Variants in CLVS2 observed in about 807,000 individuals in gnomAD.
CLVS2 encodes the protein clavesin-2.
A neutral mutation model predicts 29.0 loss-of-function variants in CLVS2; 19 were observed. The ratio of observed to expected loss-of-function variants is 0.66; its 90% CI spans 0.46 to 0.96. The LOEUF is 0.96. CLVS2 is among the 40% of genes least tolerant of loss of function. The probability of loss-of-function intolerance (pLI) is 0.00; values close to 1 mark genes in which losing one functional copy is unlikely to be tolerated. For synonymous variants in CLVS2, 161 were observed against 151.3 expected (o/e 1.06, Z -0.47); for missense variants, 294 against 404.1 (o/e 0.73, Z 2.34).
At chr6:123,002,236 T>A (rs1028098842) in intron 2 of CLVS2, among the ~76,000 whole-genome samples, 7 of 152,146 alleles carry the variant, frequency 4.6e-5, no homozygotes, top group African/African-American at 1.7e-4. Flanking sequence ...CTTATCATAG[T>A]GGACATTGAT....
chr6:123,040,046 A>G (rs991683744), intron 3 of CLVS2, among the ~76,000 whole-genome samples: 8 of 152,182 alleles, frequency 5.3e-5, no homozygotes, highest in Non-Finnish European at 1.0e-4. Flanking sequence ...CAAATACATT[A>G]ACATCGTATC....
chr6:123,046,864 G>A (rs1772522065), intron 3 of CLVS2, among the ~76,000 whole-genome samples: 1 of 152,120 alleles, frequency 6.6e-6, no homozygotes, highest in Admixed American at 6.5e-5. Flanking sequence ...TCTCAAGAAT[G>A]TGAGACAAAT....
chr6:123,032,493 G>C (rs893132489), intron 3 of CLVS2, among the ~76,000 whole-genome samples: 1 of 151,942 alleles, frequency 6.6e-6, no homozygotes, highest in Non-Finnish European at 1.5e-5. Flanking sequence ...AGCAGGCATT[G>C]GTGTCTTACA....
rs1008177513 is a variant in CLVS2, at chr6:123,064,875, C to T, written c.*1114C>T. The T allele has an allele frequency of 2.0e-5, 3 of 151,560 alleles. No individual in the cohort carries two copies. Among genetic ancestry groups the T allele is most frequent in the Non-Finnish European group, 4.4e-5 (3 of 67,740 alleles). The allele number at this position is 151,560 out of a possible 1,614,324, so 9.4% of individuals were successfully genotyped here. ...TCAGTGTACCTATTTAAAGGAATTC[C>T]AAGTTAATTTATAATGCAATCTTAC... On this transcript the variant is annotated 3_prime_UTR_variant, in exon 6 of 6. Coordinates refer to ENST00000275162, the MANE Select transcript of CLVS2 (RefSeq NM_001010852.4).
chr6:122,998,051 A>G lies in CLVS2; in HGVS notation c.274A>G (p.Thr92Ala), dbSNP rs1040582884. ...GGACATGTTCAAAAGCTTTAAGGCC[A>G]CCGACCCTGGCATCAAGCAGGCACT... is the stretch of plus-strand genomic sequence containing the variant. ...NLDMFKSFKA[T>A]DPGIKQALKD... Residue 92 changes from threonine to alanine, a missense_variant, in exon 2 of 6, where the codon ACC becomes GCC. By Grantham distance (58) the Thr-to-Ala change is moderately conservative. Coordinates refer to ENST00000275162, the MANE Select transcript of CLVS2 (RefSeq NM_001010852.4). 12 of 1,614,068 alleles carry G rather than the reference A, an allele frequency of 7.4e-6. No individual in the cohort carries two copies. The highest frequency in any genetic ancestry group is 9.3e-6 in the Non-Finnish European group (11 of 1,180,048).
At chr6:123,044,016 A>C (rs897316773) in intron 3 of CLVS2, among the ~76,000 whole-genome samples, 1 of 152,224 alleles carries the variant, frequency 6.6e-6, no homozygotes, top group Non-Finnish European at 1.5e-5. Context: ...AATGACATCC[A>C]ACTTTCCATT....
chr6:123,068,018 T>A lies in CLVS2; in HGVS notation c.*4257T>A, dbSNP rs1466612788. 6.6e-6 allele frequency: 1 copy of A among 151,708 alleles called. No individual in the cohort carries two copies. The highest frequency in any genetic ancestry group is 1.9e-4 in the East Asian group (1 of 5,192). 9.4% of individuals were successfully genotyped at this position (151,708 alleles called of 1,614,324 possible). A position where few individuals can be genotyped will look rare whatever the true frequency, so the allele number is the denominator to read the frequency against. ...TCTCAATGGCTTAGAGAATATAATC[T>A]TTTTTAAGAATTAAAGATTTTATTT... On this transcript the variant is annotated 3_prime_UTR_variant, in exon 6 of 6. Coordinates refer to ENST00000275162, the MANE Select transcript of CLVS2 (RefSeq NM_001010852.4).
chr6:123,040,648 CT>C (rs1216655064), intron 3 of CLVS2, among the ~76,000 whole-genome samples: 2 of 152,202 alleles, frequency 1.3e-5, no homozygotes, highest in African/African-American at 2.4e-5. Context: ...CAAAAATTAG[CT>C]GGGCGTAGTG....
Position 123,011,165 on chromosome 6 carries a change from A to C in CLVS2, c.564+6A>C. ...TAGCTATTGAAGGCCTGCAGGTAGG[A>C]TATGGAAATTACCTACTTCCTTGGT... On this transcript the variant is annotated splice_donor_region_variant and intron_variant, in intron 3 of 5. Transcript: ENST00000275162. The C allele has an allele frequency of 6.5e-7, 1 of 1,544,200 alleles. No homozygotes were observed.
intron 3 of CLVS2, among the ~76,000 whole-genome samples, chr6:123,032,238 C>A (rs1287700724): frequency 6.6e-6 from 1 of 151,936 alleles, no homozygotes; most frequent in Non-Finnish European, 1.5e-5. Context: ...TTTGAAAATA[C>A]TTTGAAATAA....
At chr6:123,042,428 A>G (rs1429100794) in intron 3 of CLVS2, among the ~76,000 whole-genome samples, 1 of 152,048 alleles carries the variant, frequency 6.6e-6, no homozygotes, top group African/African-American at 2.4e-5. Flanking sequence ...AAGTTCCTTT[A>G]TTGTGTGTGT....
At chr6:123,050,871 C>A (rs1582662777) in intron 4 of CLVS2, among the ~76,000 whole-genome samples, 1 of 152,214 alleles carries the variant, frequency 6.6e-6, no homozygotes, top group Non-Finnish European at 1.5e-5. Flanking sequence ...ACAAGGAGTG[C>A]ACTGCGTTTT....
intron 3 of CLVS2, among the ~76,000 whole-genome samples, chr6:123,047,491 C>A (rs1455145419): frequency 6.6e-6 from 1 of 152,110 alleles, no homozygotes; most frequent in African/African-American, 2.4e-5. Flanking sequence ...TTTGGCAGCT[C>A]TGCAAATCAA....
At chr6:122,996,994 A>T (rs973534170) in intron 1 of CLVS2, among the ~76,000 whole-genome samples, 16 of 151,460 alleles carry the variant, frequency 1.1e-4, no homozygotes, top group Non-Finnish European at 7.4e-5. Context: ...CGCTGGTACC[A>T]ACGCCACCAG....
chr6:123,031,350 A>G (rs1227512703), intron 3 of CLVS2, among the ~76,000 whole-genome samples: 1 of 152,106 alleles, frequency 6.6e-6, no homozygotes, highest in Admixed American at 6.6e-5. Flanking sequence ...CAGCTCACAC[A>G]TCTGTTAAAG....
chr6:123,035,069 A>G (rs1466746701), intron 3 of CLVS2, among the ~76,000 whole-genome samples: 1 of 152,266 alleles, frequency 6.6e-6, no homozygotes, highest in African/African-American at 2.4e-5. Flanking sequence ...GAAGAACACC[A>G]TGGCATTATC....
At chr6:123,027,840 C>G (rs1408896105) in intron 3 of CLVS2, among the ~76,000 whole-genome samples, 1 of 152,084 alleles carries the variant, frequency 6.6e-6, no homozygotes, top group Non-Finnish European at 1.5e-5. Context: ...GTTAAAATCT[C>G]TTGTGGAAAG....
intron 3 of CLVS2, among the ~76,000 whole-genome samples, chr6:123,027,628 T>C (rs1232903726): frequency 1.3e-5 from 2 of 152,170 alleles, no homozygotes; most frequent in East Asian, 3.9e-4. Flanking sequence ...AGTCATTCTC[T>C]CTGGTCCACT....
chr6:123,045,972 A>C (rs1436843967), intron 3 of CLVS2, among the ~76,000 whole-genome samples: 1 of 152,230 alleles, frequency 6.6e-6, no homozygotes, highest in Non-Finnish European at 1.5e-5. Flanking sequence ...TGTGGGAGAG[A>C]ACAGTTAACA....
Sources: allele counts gnomAD v4.1 joint callset (sites outside exome capture counted in the v4.1 genomes callset), GRCh38; gene constraint gnomAD v4.1.1; transcripts MANE v1.5; gene names NCBI Gene and HGNC (gene_info 2026-07-23, HGNC 2026-07-21).